The following AGAP1 variants were observed in gnomAD, a reference collection of about 807,000 sequenced individuals.
The protein encoded by AGAP1 is ArfGAP with GTPase domain, ankyrin repeat and PH domain 1.
In AGAP1, 29 loss-of-function variants were observed where a neutral mutation model predicts 105.3. The observed-to-expected ratio is 0.28, with a 90% confidence interval of 0.21 to 0.38. AGAP1 has a LOEUF of 0.38. AGAP1 is among the 10% of genes least tolerant of loss of function. AGAP1 has a pLI of 1.00. For synonymous variants in AGAP1, 509 were observed against 485.9 expected (o/e 1.05, Z -0.63); for missense variants, 998 against 1,165.1 (o/e 0.86, Z 2.09).
In AGAP1 at chr2:236,002,557, A is replaced by G. The variant is rs940413959; in HGVS notation, c.1645+33934A>G. 6.6e-6 allele frequency among the ~76,000 whole-genome samples: 1 copy of G among 152,194 alleles called. No homozygotes were observed. The highest frequency in any genetic ancestry group is 2.4e-5 in the African/African-American group (1 of 41,442). ...TGAGGGGGTCACTGGCTGCCCTTAT[A>G]GAAGGCCTTGGAAAGAATTACTTCA... On this transcript the variant is annotated intron_variant, in intron 13 of 17. Coordinates refer to ENST00000304032, the MANE Select transcript of AGAP1 (RefSeq NM_001037131.3). This position sits in a 1 kb window ranked among gnomAD's most constrained non-coding sequence, Gnocchi z 4.3.
chr2:235,844,719 G>A (rs970657724), intron 9 of AGAP1, among the ~76,000 whole-genome samples: 3 of 152,064 alleles, frequency 2.0e-5, no homozygotes, highest in Non-Finnish European at 4.4e-5. Context: ...CCTCCTCTCC[G>A]AACCTGGGCA....
At chr2:235,499,598 T>G (rs544556488) in intron 1 of AGAP1, among the ~76,000 whole-genome samples, 1 of 152,284 alleles carries the variant, frequency 6.6e-6, no homozygotes, top group Admixed American at 6.5e-5. Flanking sequence ...GGGCGTTCCT[T>G]GTGAGTCCAG....
rs371793211 is a variant in AGAP1, at chr2:235,883,486, G to A, written c.1155+37G>A. ...CCCCTCGGAGCAATTAACAGCTGCA[G>A]ACCTCAACTAAACACTGTGGGGAAG... On this transcript the variant is annotated intron_variant, in intron 10 of 17. Transcript: ENST00000304032. This position sits in a 1 kb window ranked among gnomAD's most constrained non-coding sequence, Gnocchi z 4.5. 6.5e-7 allele frequency: 1 copy of A among 1,550,380 alleles called. No individual in the cohort carries two copies. Among genetic ancestry groups the A allele is most frequent in the South Asian group, 1.1e-5 (1 of 89,262 alleles).
chr2:235,743,735 C>G (rs1299036406), intron 4 of AGAP1, among the ~76,000 whole-genome samples: 1 of 152,182 alleles, frequency 6.6e-6, no homozygotes, highest in Admixed American at 6.5e-5. Context: ...CCATAAAAAC[C>G]TATCTAGGAA....
rs1040900368 is a variant in AGAP1 at position 235,740,238 on chromosome 2, G to C, written c.311-725G>C. Among the ~76,000 whole-genome samples, 1 of 152,002 alleles carries C rather than the reference G, an allele frequency of 6.6e-6. No individual in the cohort carries two copies. Among genetic ancestry groups the C allele is most frequent in the African/African-American group, 2.4e-5 (1 of 41,386 alleles). ...TCCCCTCCTGAGAGCATCAGGGGCC[G>C]GGACGTCCAAGGTAGCACCAGGCCC... is the stretch of plus-strand genomic sequence containing the variant. On this transcript the variant is annotated intron_variant, in intron 3 of 17. Coordinates refer to ENST00000304032, the MANE Select transcript of AGAP1 (RefSeq NM_001037131.3). The surrounding 1 kb of genome is among the most constrained non-coding windows in gnomAD (Gnocchi z 5.7).
At chr2:235,771,305 C>T (rs906344921) in intron 6 of AGAP1, among the ~76,000 whole-genome samples, 2 of 152,200 alleles carry the variant, frequency 1.3e-5, no homozygotes, top group Non-Finnish European at 2.9e-5. Flanking sequence ...TGCTGGGGAG[C>T]ACGGTCTCCA....
intron 1 of AGAP1, among the ~76,000 whole-genome samples, chr2:235,589,138 C>G (rs1369946351): frequency 6.7e-6 from 1 of 150,302 alleles, no homozygotes; most frequent in Non-Finnish European, 1.5e-5. Flanking sequence ...TTCAGGAGCC[C>G]CGATGCTGGT....
At chr2:235,707,472 A>G (rs1461732068) in intron 1 of AGAP1, among the ~76,000 whole-genome samples, 16 of 22,416 alleles carry the variant, frequency 7.1e-4, no homozygotes, top group East Asian at 1.1e-3. Flanking sequence ...CCTCCCCATG[A>G]CCCCCCCCCC....
intron 10 of AGAP1, among the ~76,000 whole-genome samples, chr2:235,895,453 C>A (rs534884994): frequency 8.5e-5 from 13 of 152,294 alleles, no homozygotes; most frequent in Admixed American, 6.5e-4. Flanking sequence ...ATGCAGTTGC[C>A]TCTGTTGAGA....
At chr2:235,759,896 T>G (rs544576997) in intron 6 of AGAP1, among the ~76,000 whole-genome samples, 1 of 152,180 alleles carries the variant, frequency 6.6e-6, no homozygotes. Flanking sequence ...TAGTAAACCA[T>G]ACATTCAGAG....
intron 1 of AGAP1, among the ~76,000 whole-genome samples, chr2:235,704,499 A>C (rs1950423376): frequency 6.6e-6 from 1 of 152,054 alleles, no homozygotes; most frequent in Admixed American, 6.5e-5. Flanking sequence ...TACAAAAATT[A>C]CCCAGATGTG....
At position 235,930,297 on chromosome 2, in the gene AGAP1, C is replaced by T. The variant is rs1214665501; in HGVS notation, c.1325-468C>T. Among the ~76,000 whole-genome samples, 1 of 152,184 alleles carries T rather than the reference C, an allele frequency of 6.6e-6. No individual in the cohort carries two copies. Among genetic ancestry groups the T allele is most frequent in the Non-Finnish European group, 1.5e-5 (1 of 68,024 alleles). ...GATTTGTGTTGATCATAAAGTATGG[C>T]TTCCCCATGAAAATAATCCTCTGGC... On this transcript the variant is annotated intron_variant, in intron 11 of 17. Transcript: ENST00000304032. The surrounding 1 kb of genome is among the most constrained non-coding windows in gnomAD (Gnocchi z 7.9).
chr2:235,933,633 A>G (rs982801227), intron 12 of AGAP1, among the ~76,000 whole-genome samples: 1 of 151,464 alleles, frequency 6.6e-6, no homozygotes, highest in Non-Finnish European at 1.5e-5. Context: ...CCCGGACTCA[A>G]GCAGTTCTCC....
At chr2:235,955,546 C>T (rs1192006480) in intron 12 of AGAP1, among the ~76,000 whole-genome samples, 2 of 152,184 alleles carry the variant, frequency 1.3e-5, no homozygotes, top group Non-Finnish European at 2.9e-5. Context: ...TGGAATCCTT[C>T]TAAGCAGCTG....
At chr2:235,818,231 A>G (rs1958574429) in intron 9 of AGAP1, among the ~76,000 whole-genome samples, 1 of 152,222 alleles carries the variant, frequency 6.6e-6, no homozygotes, top group African/African-American at 2.4e-5. Flanking sequence ...TTAATTCTCC[A>G]CCAACCTAAG....
chr2:235,831,135 C>T (rs1959314908), intron 9 of AGAP1, among the ~76,000 whole-genome samples: 1 of 149,836 alleles, frequency 6.7e-6, no homozygotes. Context: ...TAGGGAATCA[C>T]ATTCGAGACT....
chr2:235,738,169 A>T (rs1175032206), intron 3 of AGAP1, among the ~76,000 whole-genome samples: 1 of 151,998 alleles, frequency 6.6e-6, no homozygotes, highest in African/African-American at 2.4e-5. Context: ...CCTAGCAAAG[A>T]AGTGTGGGTG....
In AGAP1 at chr2:235,864,163, A is replaced by G. The variant is rs986442198; in HGVS notation, c.1051-19182A>G. On this transcript the variant is annotated intron_variant, in intron 9 of 17. Coordinates refer to ENST00000304032, the MANE Select transcript of AGAP1 (RefSeq NM_001037131.3). The surrounding 1 kb of genome is among the most constrained non-coding windows in gnomAD (Gnocchi z 5.0). The stretch of plus-strand genomic sequence containing the variant: ...TCTTTGCAGTGACAACAATTTAGGG[A>G]TCATTCGCTAGAATAAAGCAGGAGC... 2.6e-5 allele frequency among the ~76,000 whole-genome samples: 4 copies of G among 152,174 alleles called. No individual in the cohort carries two copies. Among genetic ancestry groups the G allele is most frequent in the Non-Finnish European group, 5.9e-5 (4 of 68,032 alleles).
intron 6 of AGAP1, among the ~76,000 whole-genome samples, chr2:235,778,850 C>A (rs566329401): frequency 6.6e-6 from 1 of 152,294 alleles, no homozygotes; most frequent in South Asian, 2.1e-4. Flanking sequence ...CCAGCCCGGG[C>A]ACCACATCTT....
Sources: gnomAD v4.1 joint callset for allele counts (sites outside exome capture counted in the v4.1 genomes callset) on GRCh38, gnomAD v4.1.1 for gene constraint, Gnocchi (gnomAD v3.1) non-coding constraint, MANE v1.5 for transcripts, NCBI Gene and HGNC (gene_info 2026-07-23, HGNC 2026-07-21) for gene names.